Variants in NRG1 observed in about 807,000 individuals in gnomAD.
The protein encoded by NRG1 is pro-neuregulin-1, membrane-bound isoform.
A neutral mutation model predicts 63.8 loss-of-function variants in NRG1; 18 were observed. That is an observed-to-expected ratio of 0.28 (90% confidence interval 0.19 to 0.42). The LOEUF is 0.42. NRG1 is among the 10% of genes least tolerant of loss of function. NRG1 has a pLI of 1.00. For missense variants in NRG1, 762 were observed against 814.7 expected (o/e 0.94, Z 0.79); for synonymous variants, 302 against 301.3 (o/e 1.00, Z -0.02).
chr8:32,371,116 A>G (rs950221276), intron 1 of NRG1, among the ~76,000 whole-genome samples: 10 of 152,038 alleles, frequency 6.6e-5, no homozygotes, highest in African/African-American at 1.9e-4. Context: ...GGAGGCTGAG[A>G]CAGGAGAATT....
At chr8:32,743,846 G>C (rs1270992022) in intron 7 of NRG1, among the ~76,000 whole-genome samples, 1 of 151,850 alleles carries the variant, frequency 6.6e-6, no homozygotes, top group Non-Finnish European at 1.5e-5. Context: ...TTCTGTAAAG[G>C]TTCAGAGAGC....
At chr8:31,678,567 T>TCGC (rs1563284194) in intron 1 of NRG1, among the ~76,000 whole-genome samples, 11 of 152,012 alleles carry the variant, frequency 7.2e-5, no homozygotes, top group Middle Eastern at 3.4e-3. Flanking sequence ...CCATATATAT[T>TCGC]TTTTTGACAA....
chr8:32,207,742 G>C (rs1380859529), intron 1 of NRG1, among the ~76,000 whole-genome samples: 1 of 152,140 alleles, frequency 6.6e-6, no homozygotes, highest in African/African-American at 2.4e-5. Flanking sequence ...AAAAATATCT[G>C]ACTGTTTGAC....
intron 1 of NRG1, among the ~76,000 whole-genome samples, chr8:31,809,440 C>T (rs570689469): frequency 1.3e-4 from 19 of 146,516 alleles, no homozygotes; most frequent in African/African-American, 2.5e-4. Flanking sequence ...ATTAGACAAA[C>T]GTTAGGATTT....
At chr8:32,654,915 T>G (rs550872140) in intron 5 of NRG1, among the ~76,000 whole-genome samples, 1 of 152,278 alleles carries the variant, frequency 6.6e-6, no homozygotes, top group African/African-American at 2.4e-5. Context: ...TCTCAGGGTG[T>G]TAGCTTTCCA....
chr8:32,013,842 T>A (rs906071745), intron 1 of NRG1, among the ~76,000 whole-genome samples: 5 of 152,096 alleles, frequency 3.3e-5, no homozygotes, highest in Admixed American at 2.6e-4. Flanking sequence ...TCCCTCCCTA[T>A]TCACCTCTGT....
intron 1 of NRG1, among the ~76,000 whole-genome samples, chr8:31,730,422 C>CATGCCCATGTAT (rs1813909242): frequency 6.6e-6 from 1 of 152,120 alleles, no homozygotes; most frequent in African/African-American, 2.4e-5. Flanking sequence ...CACATTCACT[C>CATGCCCATGTAT]ATGCCCATGT....
intron 1 of NRG1, among the ~76,000 whole-genome samples, chr8:32,554,699 A>T (rs1308244622): frequency 2.0e-5 from 3 of 152,224 alleles, no homozygotes; most frequent in Non-Finnish European, 4.4e-5. Context: ...TTAAACTAGA[A>T]ATTAGATATG....
chr8:31,779,306 G>A (rs17602316), intron 1 of NRG1, among the ~76,000 whole-genome samples: 22,302 of 152,040 alleles, frequency 0.15, 1,786 homozygotes, highest in Admixed American at 0.21. Context: ...GCCTGTTATA[G>A]TGTGCTGGCA....
At chr8:32,382,950 A>C (rs942026857) in intron 1 of NRG1, among the ~76,000 whole-genome samples, 1 of 152,072 alleles carries the variant, frequency 6.6e-6, no homozygotes, top group African/African-American at 2.4e-5. Flanking sequence ...TGCTGGGCAC[A>C]GTGGCTCACA....
rs563422552 is a variant in NRG1 at position 32,198,710 on chromosome 8, T to A, written c.38-397118T>A. Among the ~76,000 whole-genome samples the A allele has an allele frequency of 5.2e-4, 79 of 152,314 alleles. 1 individual carries two copies. The South Asian group carries it at 9.3e-3, about 18-fold the overall frequency. ...CCAAGTTTTTGAGGTCAATCTCATA[T>A]CCAAAGCTCTAATCAATTAACTTTA... On this transcript the variant is annotated intron_variant, in intron 1 of 10. Coordinates refer to the NRG1 transcript ENST00000519301.
chr8:32,420,328 G>C (rs180903374), intron 1 of NRG1, among the ~76,000 whole-genome samples: 1 of 152,118 alleles, frequency 6.6e-6, no homozygotes, highest in Admixed American at 6.6e-5. Context: ...AGAAAGAAAA[G>C]TTCCAAAAAC....
chr8:32,115,054 G>A (rs1585392153), intron 1 of NRG1, among the ~76,000 whole-genome samples: 1 of 150,774 alleles, frequency 6.6e-6, no homozygotes, highest in African/African-American at 2.4e-5. Context: ...TTTTTCAGAT[G>A]GAGTCTTGCT....
At chr8:31,842,237 T>C (rs1312197579) in intron 1 of NRG1, among the ~76,000 whole-genome samples, 1 of 152,236 alleles carries the variant, frequency 6.6e-6, no homozygotes, top group African/African-American at 2.4e-5. Context: ...TCAGTAGAGA[T>C]GATTCTTTCA....
At chr8:31,898,461 T>A (rs16878410) in intron 1 of NRG1, among the ~76,000 whole-genome samples, 22,041 of 152,192 alleles carry the variant, frequency 0.14, 2,002 homozygotes, top group Non-Finnish European at 0.19. Context: ...GTAAATATTC[T>A]AAGACTGGAA....
intron 1 of NRG1, chr8:32,063,235 A>G (rs1489999903): frequency 1.3e-5 from 2 of 152,148 alleles, no homozygotes. Flanking sequence ...GAGTATCCGT[A>G]AAGTTGGGAA....
Position 32,022,852 on chromosome 8 carries a change from A to G in NRG1, c.37+383421A>G, listed in dbSNP as rs1586543170. Among the ~76,000 whole-genome samples, 3 of 152,340 alleles carry G rather than the reference A, an allele frequency of 2.0e-5. No individual in the cohort carries two copies. In the East Asian group the frequency reaches 5.8e-4, roughly 29 times the overall value. On this transcript the variant is annotated intron_variant, in intron 1 of 10. Transcript: ENST00000519301. ...TTAATTCACTTAATCATTGAACCAC[A>G]GAGTCTGTGCTAAATGCTATTATCT...
At chr8:31,855,082 T>A (rs1827706136) in intron 1 of NRG1, among the ~76,000 whole-genome samples, 1 of 152,142 alleles carries the variant, frequency 6.6e-6, no homozygotes, top group Non-Finnish European at 1.5e-5. Flanking sequence ...AAAAAATGTA[T>A]ATTCTGTTGA....
chr8:31,892,108 A>G (rs1831191510), intron 1 of NRG1, among the ~76,000 whole-genome samples: 1 of 152,086 alleles, frequency 6.6e-6, no homozygotes, highest in African/African-American at 2.4e-5. Context: ...ATATTGTGAG[A>G]TGTTACCATG....
Sources: allele counts gnomAD v4.1 joint callset (sites outside exome capture counted in the v4.1 genomes callset), GRCh38; gene constraint gnomAD v4.1.1; transcripts MANE v1.5; gene names NCBI Gene and HGNC (gene_info 2026-07-23, HGNC 2026-07-21).